Variants in ERO1B observed in about 807,000 individuals in gnomAD.
The protein encoded by ERO1B is endoplasmic reticulum oxidoreductase 1 beta, also known as ERO1-like protein beta.
ERO1B carries 49 observed loss-of-function variants against 75.3 expected under a neutral mutation model. That is an observed-to-expected ratio of 0.65 (90% confidence interval 0.52 to 0.83). The LOEUF (loss-of-function observed/expected upper bound fraction) is 0.83. Among genes scored for constraint, ERO1B ranks in the 40% least tolerant of loss-of-function variants. The pLI, the probability that ERO1B is intolerant of heterozygous loss-of-function variation, is 0.00. For missense variants in ERO1B, 512 were observed against 560.1 expected, an observed-to-expected ratio of 0.91 and a Z score of 0.87; for synonymous variants, 191 against 192.9, an observed-to-expected ratio of 0.99 and a Z score of 0.08.
At chr1:236,238,329 T>C (rs1664594105) in intron 6 of ERO1B, among the ~76,000 whole-genome samples, 2 of 152,080 alleles carry the variant, frequency 1.3e-5, no homozygotes, top group Non-Finnish European at 2.9e-5. Flanking sequence ...TCAAAAACAA[T>C]AACTTTTAAA....
Position 236,250,618 on chromosome 1 carries a change from T to TATATATATATAG in ERO1B, c.349-652_349-651insCTATATATATAT, listed in dbSNP as rs1491338079. 6.4e-5 allele frequency among the ~76,000 whole-genome samples: 7 copies of TATATATATATAG among 110,234 alleles called. 1 individual carries two copies. Among genetic ancestry groups the TATATATATATAG allele is most frequent in the Non-Finnish European group, 1.3e-4 (7 of 52,000 alleles). The allele number at this position is 110,234 out of a possible 152,430, so 72.3% of individuals were successfully genotyped here. The stretch of plus-strand genomic sequence containing the variant: ...ATATATATATATATATATATATATA[T>TATATATATATAG]CAAACGTGTGTGTGCAAACATATAT... On this transcript the variant is annotated intron_variant, in intron 4 of 15. Transcript: ENST00000354619.
intron 2 of ERO1B, among the ~76,000 whole-genome samples, chr1:236,265,285 A>G (rs1373442132): frequency 6.6e-6 from 1 of 152,208 alleles, no homozygotes; most frequent in Non-Finnish European, 1.5e-5. Context: ...TTTAAAAATC[A>G]GGAGCACATA....
At chr1:236,263,778 CTTTTTTTTTTTTTTTT>C in intron 2 of ERO1B, among the ~76,000 whole-genome samples, 41 of 80,296 alleles carry the variant, frequency 5.1e-4, no homozygotes, top group Non-Finnish European at 7.5e-4. Context: ...ATTTTGTTTG[CTTTTTTTTTTTTTTTT>C]TTTTTTTTTT....
chr1:236,268,426 C>T (rs10924901), intron 2 of ERO1B, among the ~76,000 whole-genome samples: 32 of 148,998 alleles, frequency 2.1e-4, no homozygotes, highest in Middle Eastern at 7.3e-3. Flanking sequence ...GGCGACAGAG[C>T]GAGACCCTGT....
chr1:236,249,712 CAAG>C (rs1383686755), intron 5 of ERO1B, among the ~76,000 whole-genome samples, 170 bp downstream of exon 5: 3 of 151,880 alleles, frequency 2.0e-5, no homozygotes, highest in East Asian at 3.9e-4. Flanking sequence ...ATAAATCAGC[CAAG>C]AAGAGGCAAA....
At chr1:236,273,951 G>C (rs1332034413) in intron 1 of ERO1B, among the ~76,000 whole-genome samples, 1 of 150,088 alleles carries the variant, frequency 6.7e-6, no homozygotes, top group African/African-American at 2.5e-5. Context: ...CCTCAACAAT[G>C]AATGGGACTT....
rs779707991 is a variant in ERO1B, at chr1:236,253,489, G to T, written c.239C>A (p.Pro80His). 6.2e-7 allele frequency: 1 copy of T among 1,608,040 alleles called. No individual in the cohort carries two copies. Among genetic ancestry groups the T allele is most frequent in the Non-Finnish European group, 8.5e-7 (1 of 1,176,198 alleles). ...GCCATCTTCTGCCCAGAAAGGACAA[G>T]GTCGCTTCAGATTAACCTTGAAAGA... ...FRYYKVNLKR[P>H]CPFWAEDGHC... Residue 80 changes from proline to histidine, a missense_variant, in exon 3 of 16, where the codon CCT becomes CAT. Transcript: ENST00000354619.
chr1:236,280,395 T>C (rs1359739144), intron 1 of ERO1B, among the ~76,000 whole-genome samples: 1 of 152,190 alleles, frequency 6.6e-6, no homozygotes, highest in African/African-American at 2.4e-5. Flanking sequence ...ATCTATTCCA[T>C]CTCAGTGTTT....
chr1:236,268,669 A>G (rs567179293), intron 2 of ERO1B, among the ~76,000 whole-genome samples: 159 of 149,456 alleles, frequency 1.1e-3, no homozygotes, highest in South Asian at 5.1e-3. Context: ...GGCGGATCAC[A>G]AGGTCAGGAG....
At position 236,228,800 on chromosome 1, in the gene ERO1B, G is replaced by A. The variant is rs189627128; in HGVS notation, c.712+1424C>T. On this transcript the variant is annotated intron_variant, in intron 10 of 15. Transcript: ENST00000354619. ...ATGAGGAAACTGAATCTCAGAAAAG[G>A]TTGAGTCAGCTGCCTATAAGGGAAT... 5.7e-3 allele frequency among the ~76,000 whole-genome samples: 875 copies of A among 152,222 alleles called. 10 individuals carry two copies. Among genetic ancestry groups the A allele is most frequent in the African/African-American group, 0.02 (817 of 41,544 alleles).
chr1:236,242,992 G>C (rs916001988), intron 6 of ERO1B, among the ~76,000 whole-genome samples: 1 of 152,188 alleles, frequency 6.6e-6, no homozygotes, highest in Non-Finnish European at 1.5e-5. Flanking sequence ...GCAAATTCCA[G>C]TGTAAATATT....
chr1:236,226,106 T>A (rs1210955763), intron 12 of ERO1B, among the ~76,000 whole-genome samples, 163 bp downstream of exon 12: 1 of 152,214 alleles, frequency 6.6e-6, no homozygotes, highest in Non-Finnish European at 1.5e-5. Flanking sequence ...TCATCAACAT[T>A]TTCAGAAATA....
At chr1:236,265,412 A>G (rs1271738080) in intron 2 of ERO1B, among the ~76,000 whole-genome samples, 1 of 152,156 alleles carries the variant, frequency 6.6e-6, no homozygotes, top group African/African-American at 2.4e-5. Flanking sequence ...TGTGCACTCA[A>G]AACTTAGGCA....
chr1:236,270,743 A>C (rs1186807097), intron 1 of ERO1B, among the ~76,000 whole-genome samples: 2 of 152,202 alleles, frequency 1.3e-5, no homozygotes, highest in Admixed American at 1.3e-4. Flanking sequence ...TGAATGAAAA[A>C]GCCAAGCCAA....
intron 10 of ERO1B, among the ~76,000 whole-genome samples, chr1:236,228,057 T>C (rs1435115236): frequency 6.6e-6 from 1 of 152,204 alleles, no homozygotes; most frequent in African/African-American, 2.4e-5. Context: ...AAATATCAGA[T>C]TTGAAGTTCA....
chr1:236,245,456 A>G (rs1334962189), intron 5 of ERO1B, among the ~76,000 whole-genome samples: 3 of 20,674 alleles, frequency 1.5e-4, no homozygotes, highest in African/African-American at 4.3e-4. Flanking sequence ...ATATATACGT[A>G]TATATATACA....
chr1:236,264,161 C>G (rs984446403), intron 2 of ERO1B, among the ~76,000 whole-genome samples: 14 of 152,132 alleles, frequency 9.2e-5, no homozygotes, highest in Non-Finnish European at 1.8e-4. Context: ...AGTGCAGTGG[C>G]GTGATCTTGG....
chr1:236,225,254 G>A (rs1226254975), intron 12 of ERO1B, 115 bp from the exon 13 acceptor site: 6 of 977,662 alleles, frequency 6.1e-6, no homozygotes, highest in Middle Eastern at 2.2e-4. Context: ...TATTTACTCC[G>A]ATGTAAGTTT....
intron 2 of ERO1B, among the ~76,000 whole-genome samples, chr1:236,267,491 C>T (rs1665474060): frequency 6.6e-6 from 1 of 152,114 alleles, no homozygotes; most frequent in South Asian, 2.1e-4. Context: ...TAGAGAAACA[C>T]AAGATACAAA....
Sources: allele counts gnomAD v4.1 joint callset (sites outside exome capture counted in the v4.1 genomes callset), GRCh38; gene constraint gnomAD v4.1.1; transcripts MANE v1.5; gene names NCBI Gene and HGNC (gene_info 2026-07-23, HGNC 2026-07-21).